Variants in BCL2L1 observed in about 807,000 individuals in gnomAD.
BCL2L1 encodes BCL2 like 1.
In BCL2L1, 1 loss-of-function variant was observed where a neutral mutation model predicts 18.7. The ratio of observed to expected loss-of-function variants is 0.05; its 90% CI spans 0.02 to 0.25. The LOEUF (loss-of-function observed/expected upper bound fraction) is 0.25. Among genes scored for constraint, BCL2L1 ranks in the 10% least tolerant of loss-of-function variants. The pLI, the probability that BCL2L1 is intolerant of heterozygous loss-of-function variation, is 1.00. For synonymous variants in BCL2L1, 103 were observed against 122.7 expected (o/e 0.84, Z 1.06); for missense variants, 207 against 304.9 (o/e 0.68, Z 2.39).
At chr20:31,675,688 T>C (rs2060748257) in intron 2 of BCL2L1, among the ~76,000 whole-genome samples, 1 of 152,044 alleles carries the variant, frequency 6.6e-6, no homozygotes, top group Admixed American at 6.5e-5. Flanking sequence ...CAAGACTGTG[T>C]TGGGGTCAAC....
chr20:31,674,115 T>C (rs1332153007), intron 2 of BCL2L1, among the ~76,000 whole-genome samples: 1 of 152,216 alleles, frequency 6.6e-6, no homozygotes, highest in Admixed American at 6.5e-5. Flanking sequence ...CTATCCAAGA[T>C]AGTACTTCAT....
intron 2 of BCL2L1, among the ~76,000 whole-genome samples, chr20:31,671,766 A>G (rs780417512): frequency 6.6e-6 from 1 of 151,966 alleles, no homozygotes; most frequent in Non-Finnish European, 1.5e-5. Context: ...GCCACAGCAC[A>G]TAAGGAGATA....
At chr20:31,668,413 G>T (rs1333884193) in intron 2 of BCL2L1, among the ~76,000 whole-genome samples, 1 of 151,274 alleles carries the variant, frequency 6.6e-6, no homozygotes, top group Admixed American at 6.6e-5. Flanking sequence ...TTTGCTTCCT[G>T]GGTACAAGCG....
At chr20:31,716,053 A>G (rs1015536320) in intron 2 of BCL2L1, among the ~76,000 whole-genome samples, 1 of 152,092 alleles carries the variant, frequency 6.6e-6, no homozygotes, top group South Asian at 2.1e-4. Flanking sequence ...CCCCTAACAG[A>G]AGTCCCAAGC....
At chr20:31,678,370 C>T (rs144313344) in intron 2 of BCL2L1, among the ~76,000 whole-genome samples, 2 of 152,270 alleles carry the variant, frequency 1.3e-5, no homozygotes, top group East Asian at 3.9e-4. Flanking sequence ...AGTCCTTTCC[C>T]CTGCCTGAGA....
intron 2 of BCL2L1, among the ~76,000 whole-genome samples, chr20:31,702,292 G>A (rs763887783): frequency 1.3e-5 from 2 of 152,166 alleles, no homozygotes; most frequent in Non-Finnish European, 2.9e-5. Context: ...ACAGAATGAT[G>A]GAGGGGCAGC....
intron 2 of BCL2L1, among the ~76,000 whole-genome samples, chr20:31,706,346 G>A (rs1391480192): frequency 1.3e-5 from 2 of 152,192 alleles, no homozygotes; most frequent in Non-Finnish European, 2.9e-5. Context: ...GCAACCCATG[G>A]CTAAATCAAG....
At chr20:31,676,808 G>A (rs953814004) in intron 2 of BCL2L1, among the ~76,000 whole-genome samples, 1 of 152,140 alleles carries the variant, frequency 6.6e-6, no homozygotes, top group African/African-American at 2.4e-5. Flanking sequence ...TAGTCATCTC[G>A]AGGGCATTCT....
upstream of BCL2L1, chr20:31,723,359 G>A: frequency 1.0e-6 from 1 of 985,524 alleles, no homozygotes; most frequent in Non-Finnish European, 1.2e-6. Context: ...AGGTCAGGAA[G>A]AGGGGTCGAG....
chr20:31,721,551 C>G, intron 2 of BCL2L1, 104 bp downstream of exon 2: 1 of 1,385,670 alleles, frequency 7.2e-7, no homozygotes, highest in Non-Finnish European at 9.7e-7. Context: ...ATCAACGTCT[C>G]CAACAATCAC....
intron 2 of BCL2L1, among the ~76,000 whole-genome samples, chr20:31,683,597 C>T (rs1422837678): frequency 9.9e-5 from 15 of 151,814 alleles, no homozygotes; most frequent in Admixed American, 2.0e-4. Flanking sequence ...AGTGAAACCC[C>T]GTCTCTACTA....
rs981889111 is a variant in BCL2L1 at position 31,717,401 on chromosome 20, T to C, written c.564+4254A>G. ...GTTCCATTGGAGCCCCCTGAAAAAA[T>C]ACCCGGGTAATTTTCGACAGAAGCT... On this transcript the variant is annotated intron_variant, in intron 2 of 2. Coordinates refer to ENST00000307677, the MANE Select transcript of BCL2L1 (RefSeq NM_138578.3). Among the ~76,000 whole-genome samples, 6 of 150,730 alleles carry C rather than the reference T, an allele frequency of 4.0e-5. No individual in the cohort carries two copies. In the South Asian group the frequency reaches 8.4e-4, roughly 21 times the overall value.
At chr20:31,684,842 G>C (rs2060928432) in intron 2 of BCL2L1, among the ~76,000 whole-genome samples, 1 of 152,212 alleles carries the variant, frequency 6.6e-6, no homozygotes, top group African/African-American at 2.4e-5. Flanking sequence ...CATCTCCACG[G>C]TTGGTTGCAT....
chr20:31,680,051 T>C (rs956274886), intron 2 of BCL2L1, among the ~76,000 whole-genome samples: 1 of 152,186 alleles, frequency 6.6e-6, no homozygotes, highest in Non-Finnish European at 1.5e-5. Flanking sequence ...TTTGTAGCTA[T>C]AAACAAACAA....
intron 2 of BCL2L1, among the ~76,000 whole-genome samples, chr20:31,709,386 G>C (rs1183284743): frequency 1.3e-5 from 2 of 152,018 alleles, no homozygotes; most frequent in Non-Finnish European, 2.9e-5. Flanking sequence ...GTGTGTGGCA[G>C]AGTCTCCCTC....
chr20:31,667,203 A>G (rs1000901916), intron 2 of BCL2L1, among the ~76,000 whole-genome samples: 1 of 152,188 alleles, frequency 6.6e-6, no homozygotes, highest in Non-Finnish European at 1.5e-5. Flanking sequence ...GCTCATGCCT[A>G]TAATCCCAGC....
intron 2 of BCL2L1, among the ~76,000 whole-genome samples, chr20:31,697,729 GC>G (rs1401277563): frequency 6.6e-6 from 1 of 151,986 alleles, no homozygotes; most frequent in Non-Finnish European, 1.5e-5. Context: ...GAGCCACTGT[GC>G]CCGGCCTAAC....
At chr20:31,701,454 A>G (rs1019640945) in intron 2 of BCL2L1, among the ~76,000 whole-genome samples, 1 of 152,254 alleles carries the variant, frequency 6.6e-6, no homozygotes, top group African/African-American at 2.4e-5. Flanking sequence ...CTTTTGTAAC[A>G]TACATTTGTG....
intron 2 of BCL2L1, among the ~76,000 whole-genome samples, chr20:31,685,252 T>G (rs1236604132): frequency 2.6e-5 from 4 of 151,292 alleles, no homozygotes; most frequent in African/African-American, 7.3e-5. Flanking sequence ...TACAAAAAAT[T>G]AGCCAGGCGT....
Sources: allele counts gnomAD v4.1 joint callset (sites outside exome capture counted in the v4.1 genomes callset), GRCh38; gene constraint gnomAD v4.1.1; transcripts MANE v1.5; gene names NCBI Gene and HGNC (gene_info 2026-07-23, HGNC 2026-07-21).